Variants in CD247 observed in about 807,000 individuals in gnomAD.
CD247 encodes T-cell surface glycoprotein CD3 zeta chain.
CD247 carries 13 observed loss-of-function variants against 30.0 expected under a neutral mutation model. The ratio of observed to expected loss-of-function variants is 0.43; its 90% confidence interval spans 0.28 to 0.69. The LOEUF (loss-of-function observed/expected upper bound fraction) is 0.69, where lower values mean the gene tolerates loss of function less well. CD247 is among the 30% of genes least tolerant of loss of function. CD247 has a pLI of 0.16. For synonymous variants in CD247, 72 were observed against 80.0 expected (o/e 0.90, Z 0.53); for missense variants, 193 against 212.6 (o/e 0.91, Z 0.57).
intron 1 of CD247, among the ~76,000 whole-genome samples, chr1:167,501,339 G>A (rs891195492): frequency 5.9e-5 from 9 of 152,068 alleles, no homozygotes; most frequent in East Asian, 3.9e-4. Flanking sequence ...GATTACAGGC[G>A]TAAGCCACTG....
chr1:167,436,485 G>T (rs1338579081), intron 4 of CD247, among the ~76,000 whole-genome samples: 1 of 152,138 alleles, frequency 6.6e-6, no homozygotes, highest in Non-Finnish European at 1.5e-5. Flanking sequence ...ATTAGCAAAA[G>T]GTGCCAAGAA....
chr1:167,437,986 A>G (rs1302440502), intron 4 of CD247, among the ~76,000 whole-genome samples: 1 of 152,026 alleles, frequency 6.6e-6, no homozygotes. Flanking sequence ...AATATGTAGA[A>G]CTATAATTTG....
At chr1:167,489,665 C>T (rs1418802096) in intron 1 of CD247, among the ~76,000 whole-genome samples, 3 of 152,144 alleles carry the variant, frequency 2.0e-5, no homozygotes, top group African/African-American at 7.2e-5. Context: ...GACTGGCTCT[C>T]AGAAAGGAGG....
intron 3 of CD247, 139 bp from the exon 4 acceptor site, chr1:167,438,789 G>T (rs1651672760): frequency 2.7e-6 from 2 of 738,632 alleles, no homozygotes; most frequent in Non-Finnish European, 4.9e-6. Flanking sequence ...GATGGTAACT[G>T]GTCCATCTGG....
intron 1 of CD247, among the ~76,000 whole-genome samples, chr1:167,442,711 C>G (rs900207008): frequency 1.3e-5 from 2 of 152,152 alleles, no homozygotes; most frequent in African/African-American, 4.8e-5. Flanking sequence ...TCAAAGGCAG[C>G]CGCCAGTGTC....
At chr1:167,465,327 C>CTTTTTTTTTTTTTTTT (rs765176193) in intron 1 of CD247, among the ~76,000 whole-genome samples, 1 of 115,342 alleles carries the variant, frequency 8.7e-6, no homozygotes, top group Non-Finnish European at 1.7e-5. Flanking sequence ...TTTTCTTTTT[C>CTTTTTTTTTTTTTTTT]TTTTTTTTTT....
chr1:167,509,394 A>T (rs1390220455), intron 1 of CD247, among the ~76,000 whole-genome samples: 1 of 151,966 alleles, frequency 6.6e-6, no homozygotes, highest in Non-Finnish European at 1.5e-5. Context: ...AAAAAAAGAA[A>T]AGAAAAGAAA....
intron 2 of CD247, chr1:167,439,727 G>A (rs1185018170): frequency 2.6e-6 from 1 of 386,778 alleles, no homozygotes; most frequent in African/African-American, 2.0e-5. Context: ...GGGGACATGA[G>A]TATTCTCTAG....
At chr1:167,465,468 C>T (rs1276616072) in intron 1 of CD247, among the ~76,000 whole-genome samples, 1 of 151,846 alleles carries the variant, frequency 6.6e-6, no homozygotes, top group African/African-American at 2.4e-5. Flanking sequence ...AGCTGGATTA[C>T]AGGCTCCCGG....
chr1:167,484,806 C>T (rs1654135755), intron 1 of CD247, among the ~76,000 whole-genome samples: 1 of 152,118 alleles, frequency 6.6e-6, no homozygotes, highest in African/African-American at 2.4e-5. Context: ...AAGAGAAGGG[C>T]TTTTAGAGGT....
At chr1:167,433,790 G>A (rs1355677218) in intron 6 of CD247, among the ~76,000 whole-genome samples, 1 of 152,188 alleles carries the variant, frequency 6.6e-6, no homozygotes, top group Non-Finnish European at 1.5e-5. Flanking sequence ...CAAAGCTTAG[G>A]CTGTCATAGA....
chr1:167,481,434 C>T (rs1455866934), intron 1 of CD247, among the ~76,000 whole-genome samples: 1 of 151,916 alleles, frequency 6.6e-6, no homozygotes, highest in Non-Finnish European at 1.5e-5. Flanking sequence ...ATTTGCTTTC[C>T]AAAAGATTTC....
chr1:167,452,174 G>A (rs1265263922), intron 1 of CD247, among the ~76,000 whole-genome samples: 1 of 152,164 alleles, frequency 6.6e-6, no homozygotes, highest in African/African-American at 2.4e-5. Flanking sequence ...GCAGTGAGCC[G>A]AGATCACGCC....
chr1:167,505,791 C>T (rs1159107008), intron 1 of CD247, among the ~76,000 whole-genome samples: 1 of 152,160 alleles, frequency 6.6e-6, no homozygotes, highest in African/African-American at 2.4e-5. Flanking sequence ...CTTTTTGTAC[C>T]CCCTGAAACA....
At chr1:167,463,128 C>T (rs1051652018) in intron 1 of CD247, among the ~76,000 whole-genome samples, 3 of 152,142 alleles carry the variant, frequency 2.0e-5, no homozygotes, top group Admixed American at 6.5e-5. Context: ...GGCTTTTCTG[C>T]GTTGCCACTG....
At chr1:167,475,815 C>G (rs201107592) in intron 1 of CD247, among the ~76,000 whole-genome samples, 2 of 151,922 alleles carry the variant, frequency 1.3e-5, no homozygotes, top group African/African-American at 4.8e-5. Context: ...AGAGAGGGGT[C>G]GGGCTGTGGG....
At chr1:167,505,899 C>T (rs1400642575) in intron 1 of CD247, among the ~76,000 whole-genome samples, 1 of 152,234 alleles carries the variant, frequency 6.6e-6, no homozygotes, top group Non-Finnish European at 1.5e-5. Flanking sequence ...TCTCATCACA[C>T]ACACCTGAGA....
At position 167,438,573 on chromosome 1, in the gene CD247, C is replaced by T. The variant is rs781690757; in HGVS notation, c.297G>A (p.Lys99=). The change falls in exon 4 of 8, where the codon AAG becomes AAA. Residue 99 remains lysine, a synonymous_variant. Coordinates refer to ENST00000362089, the MANE Select transcript of CD247 (RefSeq NM_198053.3). ...AGGAAGGTAGAGGAACCCCTACCGGCTTTCCCCCCATCTCAGGGTCCCGGC... is the reference window on the plus strand; with the variant it reads ...AGGAAGGTAGAGGAACCCCTACCGGTTTTCCCCCCATCTCAGGGTCCCGGC... ...RRGRDPEMGG[K]PQRRKNPQEG... 1 of 1,613,062 alleles carries T rather than the reference C, an allele frequency of 6.2e-7. No individual in the cohort carries two copies.
intron 1 of CD247, among the ~76,000 whole-genome samples, chr1:167,508,354 G>A (rs1655238602): frequency 6.6e-6 from 1 of 152,244 alleles, no homozygotes; most frequent in South Asian, 2.1e-4. Context: ...CAATGGGCAG[G>A]TGAGAGCTGG....
Sources: allele counts gnomAD v4.1 joint callset (sites outside exome capture counted in the v4.1 genomes callset), GRCh38; gene constraint gnomAD v4.1.1; transcripts MANE v1.5; gene names NCBI Gene and HGNC (gene_info 2026-07-23, HGNC 2026-07-21).